Variants in PKD1L3 observed in about 807,000 individuals in gnomAD.
PKD1L3 encodes the protein polycystin 1 like 3, transient receptor potential channel interacting, also known as polycystin-1-like protein 3.
A neutral mutation model predicts 184.1 loss-of-function variants in PKD1L3; 239 were observed. The ratio of observed to expected loss-of-function variants is 1.30; its 90% CI spans 1.17 to 1.45. The LOEUF (loss-of-function observed/expected upper bound fraction) is 1.45. Among genes scored for constraint, PKD1L3 ranks in the 40% most tolerant of loss-of-function variants. PKD1L3 has a pLI of 0.00. For missense variants in PKD1L3, 2,660 were observed against 2,067.2 expected (o/e 1.29, Z -5.56); for synonymous variants, 996 against 778.8 (o/e 1.28, Z -4.64).
At chr16:71,943,813 G>C (rs1246366570) in intron 23 of PKD1L3, among the ~76,000 whole-genome samples, 1 of 152,132 alleles carries the variant, frequency 6.6e-6, no homozygotes, top group South Asian at 2.1e-4. Flanking sequence ...TGGAGAAAGT[G>C]ACTTACTCAA....
intron 27 of PKD1L3, 22 bp from the exon 28 acceptor site, chr16:71,933,543 A>C: frequency 6.7e-7 from 1 of 1,483,370 alleles, no homozygotes; most frequent in Non-Finnish European, 9.2e-7. Flanking sequence ...GAGAAAGGCC[A>C]GTTAGTGCAA....
intron 4 of PKD1L3, 56 bp downstream of exon 4, chr16:71,990,224 A>G: frequency 1.5e-6 from 2 of 1,377,378 alleles, no homozygotes; most frequent in South Asian, 1.3e-5. Context: ...CAGATCTACT[A>G]GGTATGACAA....
intron 14 of PKD1L3, among the ~76,000 whole-genome samples, 181 bp from the exon 15 acceptor site, chr16:71,967,496 G>T (rs937432205): frequency 2.0e-5 from 3 of 152,150 alleles, no homozygotes. Context: ...ATGAAGTCTT[G>T]CTCTGTCACC....
intron 27 of PKD1L3, 21 bp downstream of exon 27, chr16:71,933,894 G>C (rs755545029): frequency 1.9e-6 from 3 of 1,547,374 alleles, no homozygotes; most frequent in Non-Finnish European, 2.6e-6. Context: ...GAGAAGGAGA[G>C]ACAGCAACGT....
Position 71,937,275 on chromosome 16 carries a change from T to A in PKD1L3, c.4452+17A>T. 6.5e-7 allele frequency: 1 copy of A among 1,547,548 alleles called. No homozygotes were observed. Among genetic ancestry groups the A allele is most frequent in the Non-Finnish European group, 8.7e-7 (1 of 1,145,528 alleles). On this transcript the variant is annotated intron_variant, in intron 25 of 29. Coordinates refer to ENST00000620267, the MANE Select transcript of PKD1L3 (RefSeq NM_181536.2). ...TTGCCATGTTGCCCAGGCTGACATC[T>A]AACATTATTGACTCACCTGTATGAA...
intron 24 of PKD1L3, among the ~76,000 whole-genome samples, chr16:71,940,934 C>T (rs2038339359): frequency 6.6e-6 from 1 of 151,994 alleles, no homozygotes; most frequent in Non-Finnish European, 1.5e-5. Flanking sequence ...TTCCCAGGAT[C>T]AAACCATTCT....
At position 71,964,932 on chromosome 16, in the gene PKD1L3, C is replaced by A. The variant is rs185694672; in HGVS notation, c.2466-1581G>T. On this transcript the variant is annotated intron_variant, in intron 15 of 29. Coordinates refer to ENST00000620267, the MANE Select transcript of PKD1L3 (RefSeq NM_181536.2). ...TGCGATCTTGGCTCACTGCAACCTCCACCTCTTGGGCTCAAGTGATTCTCC... is the reference window on the plus strand; with the variant it reads ...TGCGATCTTGGCTCACTGCAACCTCAACCTCTTGGGCTCAAGTGATTCTCC... Among the ~76,000 whole-genome samples, 141 of 151,622 alleles carry A rather than the reference C, an allele frequency of 9.3e-4. 2 individuals are homozygous for A. In the East Asian group the frequency reaches 0.025, roughly 27 times the overall value.
chr16:71,932,483 C>G (rs1028792407), intron 28 of PKD1L3, among the ~76,000 whole-genome samples: 1 of 150,200 alleles, frequency 6.7e-6, no homozygotes, highest in Admixed American at 6.6e-5. Flanking sequence ...CATTATGTCA[C>G]TTTTTTTTTT....
At chr16:71,948,512 C>T (rs1229627404) in intron 21 of PKD1L3, among the ~76,000 whole-genome samples, 5 of 152,134 alleles carry the variant, frequency 3.3e-5, no homozygotes, top group South Asian at 2.1e-4. Flanking sequence ...TGAGCCACTG[C>T]GCCCAGCCAC....
Position 71,967,303 on chromosome 16 carries a change from G to C in PKD1L3, c.2299C>G (p.Leu767Val). Residue 767 changes from leucine to valine, a missense_variant, in exon 15 of 30, where the codon CTC becomes GTC. By Grantham distance (32) the Leu-to-Val change is conservative. Transcript: ENST00000620267. ...TCACTCCGTCCCTCTGATCCATAGA[G>C]GGTGATGACAACCTACAATGAGACA... Reference protein sequence around the residue: ...AATTAKVVITLYGSEGRSEPH... With the variant: ...AATTAKVVITVYGSEGRSEPH... The C allele has an allele frequency of 6.4e-7, 1 of 1,550,772 alleles. No individual in the cohort carries two copies.
intron 12 of PKD1L3, 79 bp downstream of exon 12, chr16:71,973,245 C>A: frequency 4.2e-6 from 6 of 1,445,318 alleles, no homozygotes; most frequent in Non-Finnish European, 5.6e-6. Context: ...CTGGGCTGCC[C>A]CAAATGAGAT....
intron 28 of PKD1L3, chr16:71,931,016 G>C (rs1484716680): frequency 6.6e-6 from 1 of 152,162 alleles, no homozygotes; most frequent in African/African-American, 2.4e-5. Flanking sequence ...GGCAATCTCT[G>C]AGTTTGTGAT....
At chr16:71,937,512 G>A in intron 24 of PKD1L3, 93 bp from the exon 25 acceptor site, 10 of 1,369,622 alleles carry the variant, frequency 7.3e-6, no homozygotes, top group Non-Finnish European at 9.8e-6. Context: ...AACTCTTCCT[G>A]TATCATCAAA....
intron 18 of PKD1L3, 97 bp from the exon 19 acceptor site, chr16:71,951,841 G>A: frequency 8.8e-7 from 1 of 1,132,944 alleles, no homozygotes; most frequent in South Asian, 1.7e-5. Flanking sequence ...TTCGTCAGAA[G>A]GGGATATGCT....
At chr16:71,957,501 G>C (rs2039092852) in intron 16 of PKD1L3, among the ~76,000 whole-genome samples, 1 of 152,020 alleles carries the variant, frequency 6.6e-6, no homozygotes, top group South Asian at 2.1e-4. Flanking sequence ...CAAATGAATT[G>C]AAATTAAAAG....
intron 28 of PKD1L3, chr16:71,931,027 A>G (rs2037937386): frequency 6.6e-6 from 1 of 152,250 alleles, no homozygotes; most frequent in Non-Finnish European, 1.5e-5. Flanking sequence ...AGTTTGTGAT[A>G]CAAGACTTAT....
Position 71,967,232 on chromosome 16 carries a change from C to A in PKD1L3, c.2370G>T (p.Gly790=). The part of the protein sequence containing the change: ...CDPQKTVFER[G]GLDVFLLTTW... ...TGGTGAGAAGGAAGACATCCAGGCC[C>A]CCTCGTTCAAAGACTGTCTTCTGGG... The change falls in exon 15 of 30, where the codon GGG becomes GGT. Residue 790 remains glycine, a synonymous_variant. Coordinates refer to ENST00000620267, the MANE Select transcript of PKD1L3 (RefSeq NM_181536.2). 1 of 1,551,644 alleles carries A rather than the reference C, an allele frequency of 6.4e-7. No individual in the cohort carries two copies. Among genetic ancestry groups the A allele is most frequent in the Non-Finnish European group, 8.7e-7 (1 of 1,146,956 alleles).
rs763875004 is a variant in PKD1L3, at chr16:71,988,335, C to T, written c.586-1866G>A. ...TCACCCTCCCCAGTAGCTGGGATTA[C>T]GGGCACCTGCCATCACACCCGGCTA... On this transcript the variant is annotated intron_variant, in intron 4 of 29. Coordinates refer to ENST00000620267, the MANE Select transcript of PKD1L3 (RefSeq NM_181536.2). Among the ~76,000 whole-genome samples the T allele has an allele frequency of 4.6e-5, 7 of 152,172 alleles. No homozygotes were observed. In the East Asian group the frequency reaches 5.8e-4, roughly 13 times the overall value.
chr16:71,973,544 G>A (rs1161574732), intron 11 of PKD1L3, 27 bp from the exon 12 acceptor site: 1 of 1,531,358 alleles, frequency 6.5e-7, no homozygotes, highest in Admixed American at 2.0e-5. Flanking sequence ...GTGCTTACTT[G>A]TATATCAAAT....
Sources: gnomAD v4.1 joint callset for allele counts (sites outside exome capture counted in the v4.1 genomes callset) on GRCh38, gnomAD v4.1.1 for gene constraint, MANE v1.5 for transcripts, NCBI Gene and HGNC (gene_info 2026-07-23, HGNC 2026-07-21) for gene names.